PDE1C: variants seen among roughly 807,000 people sequenced by gnomAD.
The protein encoded by PDE1C is phosphodiesterase 1C, also known as dual specificity calcium/calmodulin-dependent 3',5'-cyclic nucleotide phosphodiesterase 1C.
A neutral mutation model predicts 93.1 loss-of-function variants in PDE1C; 62 were observed. The observed-to-expected ratio is 0.67, with a 90% CI of 0.54 to 0.82. The LOEUF is 0.82. Ranked by LOEUF, PDE1C falls within the 40% of genes least tolerant of loss-of-function variation. PDE1C has a pLI of 0.00. For missense variants in PDE1C, 742 were observed against 884.6 expected, an observed-to-expected ratio of 0.84 and a Z score of 2.04; for synonymous variants, 325 against 310.1, an observed-to-expected ratio of 1.05 and a Z score of -0.50.
the PDE1C span, chr7:31,652,561 A>G: frequency 6.2e-7 from 1 of 1,610,034 alleles, no homozygotes. Context: ...CACTATTCAA[A>G]TCTGCATCAA....
intron 1 of PDE1C, among the ~76,000 whole-genome samples, chr7:32,326,111 T>C (rs946123302): frequency 2.6e-5 from 4 of 151,844 alleles, no homozygotes; most frequent in East Asian, 1.9e-4. Flanking sequence ...GAAAGAAGGA[T>C]GGACTTGCCA....
At chr7:31,881,407 C>T (rs1434116794) in intron 2 of PDE1C, among the ~76,000 whole-genome samples, 1 of 151,982 alleles carries the variant, frequency 6.6e-6, no homozygotes, top group East Asian at 1.9e-4. Flanking sequence ...GAGATAAATA[C>T]CCTAGTTAAA....
intron 2 of PDE1C, among the ~76,000 whole-genome samples, chr7:31,948,555 G>T (rs1806933475): frequency 6.6e-6 from 1 of 152,140 alleles, no homozygotes; most frequent in Non-Finnish European, 1.5e-5. Context: ...CCAAGAGAAG[G>T]TATTCAAAAT....
At chr7:31,818,264 A>G (rs895100482) in intron 14 of PDE1C, among the ~76,000 whole-genome samples, 2 of 152,176 alleles carry the variant, frequency 1.3e-5, no homozygotes, top group East Asian at 3.9e-4. Flanking sequence ...AGAAAGGTAC[A>G]ACTACAGAGT....
At chr7:32,257,189 T>C (rs1809862566) in intron 1 of PDE1C, among the ~76,000 whole-genome samples, 1 of 152,008 alleles carries the variant, frequency 6.6e-6, no homozygotes, top group Non-Finnish European at 1.5e-5. Flanking sequence ...AACAAGTAAA[T>C]ATAAGATTTT....
chr7:32,427,376 T>C (rs1427274067), intron 1 of PDE1C, among the ~76,000 whole-genome samples: 1 of 152,158 alleles, frequency 6.6e-6, no homozygotes, highest in East Asian at 1.9e-4. Context: ...TCACTTATCC[T>C]ATGTTATCTA....
chr7:31,704,722 A>G, the PDE1C span, among the ~76,000 whole-genome samples: 1 of 152,122 alleles, frequency 6.6e-6, no homozygotes, highest in Non-Finnish European at 1.5e-5. Context: ...TTTTTCTCCA[A>G]TTTTACGGGT....
intron 3 of PDE1C, among the ~76,000 whole-genome samples, chr7:32,120,884 C>T (rs1035324040): frequency 7.9e-5 from 12 of 152,020 alleles, no homozygotes; most frequent in African/African-American, 1.4e-4. Flanking sequence ...ATGAGATGGA[C>T]GAATTGACAG....
chr7:31,649,758 G>A, the PDE1C span, among the ~76,000 whole-genome samples: 4 of 152,132 alleles, frequency 2.6e-5, no homozygotes, highest in Non-Finnish European at 5.9e-5. Flanking sequence ...CAAAACAAAG[G>A]GGATAGCTGG....
the PDE1C span, among the ~76,000 whole-genome samples, chr7:31,734,781 A>C: frequency 3.9e-5 from 6 of 152,230 alleles, no homozygotes; most frequent in East Asian, 1.2e-3. Flanking sequence ...TAATCTAACA[A>C]AAAAAAATTT....
At chr7:32,316,469 A>G (rs73314432) in intron 1 of PDE1C, among the ~76,000 whole-genome samples, 2,058 of 152,320 alleles carry the variant, frequency 0.014, 47 homozygotes, top group African/African-American at 0.046. Flanking sequence ...GATACCTTGT[A>G]TATCGGTACT....
intron 16 of PDE1C, among the ~76,000 whole-genome samples, chr7:31,805,468 C>T (rs1786708235): frequency 6.6e-6 from 1 of 151,802 alleles, no homozygotes; most frequent in Non-Finnish European, 1.5e-5. Context: ...TCTCTGTAAT[C>T]CTCTTCTCTC....
chr7:32,387,708 G>C (rs1215701280), intron 1 of PDE1C, among the ~76,000 whole-genome samples: 1 of 140,186 alleles, frequency 7.1e-6, no homozygotes, highest in African/African-American at 2.7e-5. Flanking sequence ...TCCCGGACGG[G>C]GCGGCTGGCC....
chr7:32,097,246 A>G (rs2128748321), intron 3 of PDE1C, among the ~76,000 whole-genome samples: 1 of 152,348 alleles, frequency 6.6e-6, no homozygotes, highest in East Asian at 1.9e-4. Context: ...GAGTCAGTAC[A>G]GTATTTGGCC....
At chr7:31,878,818 C>T (rs542953441) in intron 4 of PDE1C, among the ~76,000 whole-genome samples, 178 bp downstream of exon 4, 5 of 152,302 alleles carry the variant, frequency 3.3e-5, no homozygotes, top group East Asian at 1.9e-4. Flanking sequence ...CCTAATGATG[C>T]TACAGAGATT....
At chr7:31,669,266 GC>G in the PDE1C span, among the ~76,000 whole-genome samples, 6 of 151,804 alleles carry the variant, frequency 4.0e-5, no homozygotes, top group African/African-American at 1.5e-4. Context: ...TTTTTCATAA[GC>G]AAAAAGCAAG....
intron 1 of PDE1C, among the ~76,000 whole-genome samples, chr7:32,224,969 T>A (rs1776414494): frequency 6.8e-6 from 1 of 148,004 alleles, no homozygotes; most frequent in African/African-American, 2.5e-5. Context: ...AATGAAGAGA[T>A]CCCCCAGGAA....
chr7:32,005,829 G>T (rs559173658), intron 2 of PDE1C, among the ~76,000 whole-genome samples: 1 of 152,010 alleles, frequency 6.6e-6, no homozygotes, highest in East Asian at 1.9e-4. Flanking sequence ...TTGGATGTGC[G>T]CATTTTAAAC....
intron 9 of PDE1C, 95 bp from the exon 10 acceptor site, chr7:31,838,066 C>T (rs1583544711): frequency 1.3e-6 from 1 of 776,672 alleles, no homozygotes; most frequent in Non-Finnish European, 2.2e-6. Flanking sequence ...GAAAATCAGT[C>T]AACGATTTCT....
Sources: allele counts gnomAD v4.1 joint callset (sites outside exome capture counted in the v4.1 genomes callset), GRCh38; gene constraint gnomAD v4.1.1; transcripts MANE v1.5; gene names NCBI Gene and HGNC (gene_info 2026-07-23, HGNC 2026-07-21).